Variants in COL15A1 observed in about 807,000 individuals in gnomAD.
COL15A1 encodes the protein collagen alpha-1(XV) chain.
Under a neutral mutation model 165.9 loss-of-function variants are expected in COL15A1, and 111 were observed. That is an observed-to-expected ratio of 0.67 (90% CI 0.57 to 0.78). The LOEUF is 0.78. COL15A1 is among the 30% of genes least tolerant of loss of function. The pLI is 0.00. For missense variants in COL15A1, 1,745 were observed against 1,789.7 expected, an observed-to-expected ratio of 0.98 and a Z score of 0.45; for synonymous variants, 659 against 674.8, an observed-to-expected ratio of 0.98 and a Z score of 0.36.
chr9:98,970,043 TAA>T (rs5899366), intron 2 of COL15A1, among the ~76,000 whole-genome samples: 3,905 of 139,420 alleles, frequency 0.028, 138 homozygotes, highest in African/African-American at 0.087. Flanking sequence ...ATTAGTAGTT[TAA>T]AAAAAAAAAA....
chr9:98,991,308 G>A (rs1838425870), intron 5 of COL15A1, among the ~76,000 whole-genome samples: 1 of 152,110 alleles, frequency 6.6e-6, no homozygotes, highest in Non-Finnish European at 1.5e-5. Context: ...GAGCTAATTG[G>A]TCCACTTTAC....
At chr9:98,978,781 T>G (rs1252187672) in intron 2 of COL15A1, among the ~76,000 whole-genome samples, 1 of 152,164 alleles carries the variant, frequency 6.6e-6, no homozygotes, top group Non-Finnish European at 1.5e-5. Flanking sequence ...ACCATGTATA[T>G]GCTGTAAAAT....
chr9:98,989,077 A>T, intron 4 of COL15A1, 101 bp from the exon 5 acceptor site: 1 of 700,674 alleles, frequency 1.4e-6, no homozygotes, highest in Non-Finnish European at 2.5e-6. Context: ...GTTTCCCTGT[A>T]GGAGAGTCGG....
chr9:98,966,892 A>T (rs4743299), intron 2 of COL15A1, among the ~76,000 whole-genome samples: 40,326 of 152,212 alleles, frequency 0.26, 5,609 homozygotes, highest in East Asian at 0.37. Context: ...AACTACTGGC[A>T]TTCATTAGAA....
chr9:98,954,146 A>G (rs151204765), intron 2 of COL15A1, among the ~76,000 whole-genome samples: 1,530 of 152,340 alleles, frequency 0.01, 27 homozygotes, highest in African/African-American at 0.034. Flanking sequence ...CTGCCAAAGT[A>G]GGGATGTCCA....
Position 99,068,333 on chromosome 9 carries a change from T to C in COL15A1, c.3838-222T>C, listed in dbSNP as rs555990265. ...ATACAAAATTAGCCGGGTATGGTGGTGCATGCCTGTAATCCCAGCTACTCG... is the reference window on the plus strand; with the variant it reads ...ATACAAAATTAGCCGGGTATGGTGGCGCATGCCTGTAATCCCAGCTACTCG... On this transcript the variant is annotated intron_variant, in intron 40 of 41. Coordinates refer to ENST00000375001, the MANE Select transcript of COL15A1 (RefSeq NM_001855.5). Among the ~76,000 whole-genome samples, 4 of 152,016 alleles carry C rather than the reference T, an allele frequency of 2.6e-5. No homozygotes were observed. The South Asian group carries it at 8.3e-4, about 32-fold the overall frequency.
intron 2 of COL15A1, among the ~76,000 whole-genome samples, chr9:98,981,278 C>T (rs960280632): frequency 1.4e-4 from 22 of 152,130 alleles, no homozygotes; most frequent in South Asian, 4.2e-4. Context: ...GCCAACATGG[C>T]GAAACCCCGT....
chr9:98,964,587 G>A (rs1447694943), intron 2 of COL15A1, among the ~76,000 whole-genome samples: 2 of 152,180 alleles, frequency 1.3e-5, no homozygotes, highest in Non-Finnish European at 2.9e-5. Flanking sequence ...CAGCATCAAC[G>A]TCATTGCATG....
intron 36 of COL15A1, among the ~76,000 whole-genome samples, chr9:99,061,088 T>C (rs1337614191): frequency 6.6e-6 from 1 of 152,156 alleles, no homozygotes. Flanking sequence ...GGACAAATAC[T>C]TCACAAGGAT....
At chr9:99,049,939 T>C (rs769451557) in intron 30 of COL15A1, 44 bp downstream of exon 30, 17 of 1,613,138 alleles carry the variant, frequency 1.1e-5, no homozygotes, top group Non-Finnish European at 1.4e-5. Context: ...TTGGCATGGA[T>C]AGCAACTTGG....
chr9:99,035,966 A>G (rs1336193920), intron 19 of COL15A1, among the ~76,000 whole-genome samples: 1 of 151,966 alleles, frequency 6.6e-6, no homozygotes, highest in Non-Finnish European at 1.5e-5. Flanking sequence ...CCCTCACCCA[A>G]TGCTGGGAGA....
At chr9:98,979,036 T>C (rs1389337035) in intron 2 of COL15A1, among the ~76,000 whole-genome samples, 1 of 152,202 alleles carries the variant, frequency 6.6e-6, no homozygotes, top group East Asian at 1.9e-4. Flanking sequence ...CTTGATTGTT[T>C]CATATTAGTA....
In COL15A1 at chr9:99,034,850, TG is replaced by T. The variant is rs755983235; in HGVS notation, c.2080-163del. The stretch of plus-strand genomic sequence containing the variant: ...TGCATCAGCTTATCTCCAGGTGAAC[TG>T]TCAATTAGCAAGACAGCTGTTTCTG... On this transcript the variant is annotated intron_variant, in intron 17 of 41. Transcript: ENST00000375001. Among the ~76,000 whole-genome samples, 175 of 152,350 alleles carry T rather than the reference TG, an allele frequency of 1.1e-3. 1 individual carries two copies. The highest frequency in any genetic ancestry group is 1.6e-3 in the Non-Finnish European group (108 of 68,028).
chr9:98,958,057 G>A (rs1564009438), intron 2 of COL15A1, among the ~76,000 whole-genome samples: 1 of 152,290 alleles, frequency 6.6e-6, no homozygotes, highest in East Asian at 1.9e-4. Context: ...CGTTCAGGTC[G>A]CCACCAGCCA....
chr9:99,004,001 G>C (rs1022479647), intron 8 of COL15A1, among the ~76,000 whole-genome samples: 2 of 152,186 alleles, frequency 1.3e-5, no homozygotes, highest in Admixed American at 6.5e-5. Flanking sequence ...CCTAGCAGAG[G>C]GGGTGGAACA....
Position 98,993,341 on chromosome 9 carries a change from G to A in COL15A1, c.805-3593G>A, listed in dbSNP as rs942613880. 4.6e-5 allele frequency among the ~76,000 whole-genome samples: 7 copies of A among 152,314 alleles called. No homozygotes were observed. In the South Asian group the frequency reaches 8.3e-4, roughly 18 times the overall value. Reference sequence around the variant, plus strand: ...GCACCGGGCATAGTACAGATGCCTCGTTCCTCTTGGGGCCTCCTGGTTGGC... The same window carrying A: ...GCACCGGGCATAGTACAGATGCCTCATTCCTCTTGGGGCCTCCTGGTTGGC... On this transcript the variant is annotated intron_variant, in intron 5 of 41. Coordinates refer to ENST00000375001, the MANE Select transcript of COL15A1 (RefSeq NM_001855.5).
At chr9:99,069,173 A>G (rs1424711889) in intron 41 of COL15A1, among the ~76,000 whole-genome samples, 1 of 152,182 alleles carries the variant, frequency 6.6e-6, no homozygotes, top group Non-Finnish European at 1.5e-5. Context: ...TAATAAACCC[A>G]CACAGCTCCT....
intron 11 of COL15A1, among the ~76,000 whole-genome samples, chr9:99,020,078 A>G (rs1839000203): frequency 6.6e-6 from 1 of 152,246 alleles, no homozygotes; most frequent in African/African-American, 2.4e-5. Context: ...GAAGTAATAT[A>G]TTTAAAAATC....
At chr9:98,959,250 A>G (rs904110326) in intron 2 of COL15A1, among the ~76,000 whole-genome samples, 23 of 147,654 alleles carry the variant, frequency 1.6e-4, no homozygotes, top group African/African-American at 4.8e-4. Context: ...AAAAAAAACT[A>G]AAAACTAAAA....
Sources: gnomAD v4.1 joint callset for allele counts (sites outside exome capture counted in the v4.1 genomes callset) on GRCh38, gnomAD v4.1.1 for gene constraint, MANE v1.5 for transcripts, NCBI Gene and HGNC (gene_info 2026-07-23, HGNC 2026-07-21) for gene names.